Variants in PCDHA11 observed in about 807,000 individuals in gnomAD.
PCDHA11 encodes protocadherin alpha 11, also known as protocadherin alpha-11.
Under a neutral mutation model 70.3 loss-of-function variants are expected in PCDHA11, and 61 were observed. The ratio of observed to expected loss-of-function variants is 0.87; its 90% confidence interval spans 0.71 to 1.07. The LOEUF is 1.07. PCDHA11 is among the 50% of genes least tolerant of loss of function. PCDHA11 has a pLI of 0.00. For missense variants in PCDHA11, 1,324 were observed against 1,237.5 expected (o/e 1.07, Z -1.05); for synonymous variants, 633 against 555.1 (o/e 1.14, Z -1.97).
intron 1 of PCDHA11, chr5:140,969,402 T>C: frequency 6.3e-7 from 1 of 1,579,638 alleles, no homozygotes; most frequent in Non-Finnish European, 8.6e-7. Flanking sequence ...TCCTGTGATT[T>C]GGCTTTATTG....
chr5:140,876,127 A>G lies in PCDHA11; in HGVS notation c.2391+4633A>G, dbSNP rs782626047. 2.5e-6 allele frequency: 4 copies of G among 1,613,984 alleles called. No homozygotes were observed. The South Asian group carries it at 3.3e-5, about 13-fold the overall frequency. ...ATTGCTGATGGTAATCGATGGCGGTAAACCAGAACTAACAGGGTCTGTCCA... is the reference window on the plus strand; with the variant it reads ...ATTGCTGATGGTAATCGATGGCGGTGAACCAGAACTAACAGGGTCTGTCCA... On this transcript the variant is annotated intron_variant, in intron 1 of 3. Coordinates refer to ENST00000398640, the MANE Select transcript of PCDHA11 (RefSeq NM_018902.5).
rs569740487 is a variant in PCDHA11, at chr5:140,970,470, G to A, written c.2392-8479G>A. On this transcript the variant is annotated intron_variant, in intron 1 of 3. Transcript: ENST00000398640. Reference sequence around the variant, plus strand: ...AGTTTTGAGATTTAAGTAGGTATAAGGCCAGCTTGTTCATTATTATGAAGA... The same window carrying A: ...AGTTTTGAGATTTAAGTAGGTATAAAGCCAGCTTGTTCATTATTATGAAGA... Among the ~76,000 whole-genome samples the A allele has an allele frequency of 2.6e-5, 4 of 152,238 alleles. No homozygotes were observed. In the South Asian group the frequency reaches 8.3e-4, roughly 32 times the overall value.
At chr5:140,912,679 T>G (rs367681467) in intron 1 of PCDHA11, among the ~76,000 whole-genome samples, 3 of 152,334 alleles carry the variant, frequency 2.0e-5, no homozygotes, top group South Asian at 4.1e-4. Context: ...CCTTGACTTA[T>G]TCCAGGTCTC....
At chr5:140,952,879 G>C (rs1325308016) in intron 1 of PCDHA11, among the ~76,000 whole-genome samples, 1 of 152,094 alleles carries the variant, frequency 6.6e-6, no homozygotes, top group Non-Finnish European at 1.5e-5. Context: ...TTACAATCAT[G>C]GTGGAAGGCA....
intron 1 of PCDHA11, among the ~76,000 whole-genome samples, chr5:140,918,473 T>A (rs1385942505): frequency 6.6e-6 from 1 of 152,166 alleles, no homozygotes; most frequent in African/African-American, 2.4e-5. Context: ...ATTCCAAGTC[T>A]CAAGGGGAAT....
In PCDHA11 at chr5:140,884,626, A is replaced by G. The variant is rs782131642; in HGVS notation, c.2391+13132A>G. 9 of 1,613,602 alleles carry G rather than the reference A, an allele frequency of 5.6e-6. No individual in the cohort carries two copies. In the Admixed American group the frequency reaches 1.5e-4, roughly 27 times the overall value. ...CTTGTCTGGGTTCTGCAGAGGGAAC[A>G]GGCCAGAGGGAGGAGGACTCAGAAT... On this transcript the variant is annotated intron_variant, in intron 1 of 3. Transcript: ENST00000398640.
At chr5:140,916,508 T>G (rs2077594251) in intron 1 of PCDHA11, among the ~76,000 whole-genome samples, 1 of 152,200 alleles carries the variant, frequency 6.6e-6, no homozygotes, top group Non-Finnish European at 1.5e-5. Context: ...GTGATTAATC[T>G]TGCCAAGACT....
At chr5:141,006,238 G>T (rs1298883912) in intron 3 of PCDHA11, among the ~76,000 whole-genome samples, 1 of 151,428 alleles carries the variant, frequency 6.6e-6, no homozygotes, top group East Asian at 1.9e-4. Flanking sequence ...TTTAGATGGA[G>T]TCTTGCTCTG....
At chr5:140,898,321 G>A (rs370229202) in intron 1 of PCDHA11, among the ~76,000 whole-genome samples, 42 of 152,060 alleles carry the variant, frequency 2.8e-4, no homozygotes, top group Non-Finnish European at 1.2e-4. Flanking sequence ...TTATGGTTTT[G>A]GGTCTAACGT....
At chr5:140,937,944 G>T (rs2091858064) in intron 1 of PCDHA11, among the ~76,000 whole-genome samples, 1 of 151,532 alleles carries the variant, frequency 6.6e-6, no homozygotes. Flanking sequence ...TTTGATAATT[G>T]GCTTTTGTTG....
Position 141,009,908 on chromosome 5 carries a change from A to G in PCDHA11, c.2821A>G (p.Asn941Asp), listed in dbSNP as rs1295693430. The G allele has an allele frequency of 6.2e-7, 1 of 1,612,848 alleles. No individual in the cohort carries two copies. Among genetic ancestry groups the G allele is most frequent in the Non-Finnish European group, 8.5e-7 (1 of 1,179,798 alleles). Residue 941 changes from asparagine to aspartate, a missense_variant, in exon 4 of 4, where the codon AAC (asparagine) becomes GAC (aspartate). By Grantham distance (23) the Asn-to-Asp change is conservative (BLOSUM62 1). Transcript: ENST00000398640. Reference sequence around the variant, plus strand: ...GACCCAGGAGAAAAAAGAGAAAGGGAACAGCACGACTGACAACAGTGACCA... The same window carrying G: ...GACCCAGGAGAAAAAAGAGAAAGGGGACAGCACGACTGACAACAGTGACCA... ...NKTQEKKEKG[N>D]STTDNSDQ
At chr5:140,875,286 G>GA (rs1582198607) in intron 1 of PCDHA11, 2 of 1,381,840 alleles carry the variant, frequency 1.4e-6, no homozygotes, top group South Asian at 3.3e-5. Flanking sequence ...GGTGAAACAG[G>GA]AAAATTTTTT....
At chr5:140,977,671 A>G (rs2096770792) in intron 1 of PCDHA11, among the ~76,000 whole-genome samples, 1 of 152,178 alleles carries the variant, frequency 6.6e-6, no homozygotes, top group South Asian at 2.1e-4. Flanking sequence ...CTGCATGCCA[A>G]ATATCATGTA....
chr5:140,982,943 A>G (rs2097017074), intron 3 of PCDHA11, among the ~76,000 whole-genome samples: 1 of 151,992 alleles, frequency 6.6e-6, no homozygotes, highest in Admixed American at 6.5e-5. Flanking sequence ...CTTTTGGTTG[A>G]AGACTATGGA....
chr5:140,903,124 T>C (rs1554190771), intron 1 of PCDHA11, among the ~76,000 whole-genome samples: 1 of 152,234 alleles, frequency 6.6e-6, no homozygotes, highest in Non-Finnish European at 1.5e-5. Context: ...TCTAAATCTT[T>C]AAGAAATCTC....
intron 2 of PCDHA11, among the ~76,000 whole-genome samples, chr5:140,979,246 C>A (rs944063929): frequency 2.0e-5 from 3 of 152,206 alleles, no homozygotes; most frequent in African/African-American, 7.2e-5. Context: ...AAACAGGCTG[C>A]TATGTATTTT....
chr5:141,009,562 C>T, intron 3 of PCDHA11, 65 bp from the exon 4 acceptor site: 7 of 1,571,344 alleles, frequency 4.5e-6, no homozygotes, highest in Non-Finnish European at 6.0e-6. Flanking sequence ...CTGTACTCTA[C>T]CAGCAGTGTG....
intron 1 of PCDHA11, among the ~76,000 whole-genome samples, chr5:140,935,284 A>G (rs576807866): frequency 6.6e-6 from 1 of 152,340 alleles, no homozygotes; most frequent in South Asian, 2.1e-4. Context: ...AATAAAGTTC[A>G]GCACTCCGAG....
chr5:140,893,138 A>G (rs1336386852), intron 1 of PCDHA11, among the ~76,000 whole-genome samples: 1 of 152,142 alleles, frequency 6.6e-6, no homozygotes, highest in Non-Finnish European at 1.5e-5. Context: ...TTCTTTATCC[A>G]CTCATCTGTT....
Sources: allele counts gnomAD v4.1 joint callset (sites outside exome capture counted in the v4.1 genomes callset), GRCh38; gene constraint gnomAD v4.1.1; transcripts MANE v1.5; gene names NCBI Gene and HGNC (gene_info 2026-07-23, HGNC 2026-07-21).